The following SLC38A7 variants were observed in gnomAD, a reference collection of about 807,000 sequenced individuals.
SLC38A7 encodes the protein sodium-coupled neutral amino acid transporter 7.
Under a neutral mutation model 50.1 loss-of-function variants are expected in SLC38A7, and 29 were observed. That is an observed-to-expected ratio of 0.58 (90% CI 0.43 to 0.79). The LOEUF (loss-of-function observed/expected upper bound fraction) is 0.79, where lower values mean the gene tolerates loss of function less well. Ranked by LOEUF, SLC38A7 falls within the 30% of genes least tolerant of loss-of-function variation. SLC38A7 has a pLI of 0.00. For synonymous variants in SLC38A7, 244 were observed against 245.9 expected, an observed-to-expected ratio of 0.99 and a Z score of 0.07; for missense variants, 483 against 610.6, an observed-to-expected ratio of 0.79 and a Z score of 2.20.
intron 11 of SLC38A7, among the ~76,000 whole-genome samples, chr16:58,669,584 A>T (rs1330272028): frequency 6.6e-6 from 1 of 152,200 alleles, no homozygotes; most frequent in South Asian, 2.1e-4. Context: ...TTGTGGGGGA[A>T]GAGGGACTTC....
intron 11 of SLC38A7, among the ~76,000 whole-genome samples, chr16:58,668,191 A>G (rs2044079939): frequency 6.6e-6 from 1 of 152,044 alleles, no homozygotes; most frequent in Non-Finnish European, 1.5e-5. Context: ...TAATCCCAGC[A>G]CTTTGGGAGG....
At position 58,670,973 on chromosome 16, in the gene SLC38A7, G is replaced by A. The variant is rs948961592; in HGVS notation, c.1231+72C>T. 1.6e-5 allele frequency: 24 copies of A among 1,506,604 alleles called. No homozygotes were observed. The African/African-American group carries it at 2.5e-4, about 16-fold the overall frequency. 93.3% of individuals were successfully genotyped at this position (1,506,604 alleles called of 1,614,324 possible). The stretch of plus-strand genomic sequence containing the variant: ...CTCTCCTGCATGTTTTGAGCAAGTA[G>A]GGAGCTGAGGCTAGGCAGGCCCTGG... On this transcript the variant is annotated intron_variant, in intron 10 of 11. Coordinates refer to ENST00000219320, the MANE Select transcript of SLC38A7 (RefSeq NM_018231.3).
At chr16:58,679,135 T>C (rs1408760983) in intron 3 of SLC38A7, among the ~76,000 whole-genome samples, 3 of 152,238 alleles carry the variant, frequency 2.0e-5, no homozygotes, top group Non-Finnish European at 2.9e-5. Context: ...CTCATGCCTG[T>C]AATCCCAGCA....
chr16:58,672,359 G>C, intron 8 of SLC38A7, 116 bp from the exon 9 acceptor site: 1 of 1,146,976 alleles, frequency 8.7e-7, no homozygotes, highest in Non-Finnish European at 1.2e-6. Flanking sequence ...TGGACACTTA[G>C]ACGGAGGCTC....
Position 58,671,036 on chromosome 16 carries a change from G to A in SLC38A7, c.1231+9C>T. 1 of 1,578,504 alleles carries A rather than the reference G, an allele frequency of 6.3e-7. No individual in the cohort carries two copies. The highest frequency in any genetic ancestry group is 1.2e-5 in the South Asian group (1 of 86,644). ...TGGGGCTGTGAGATGGGGCGCCAGG[G>A]GTCCGCACCTGGGAAGACGAAGATG... On this transcript the variant is annotated intron_variant, in intron 10 of 11. Transcript: ENST00000219320.
chr16:58,673,951 G>A (rs1276642905), intron 8 of SLC38A7, among the ~76,000 whole-genome samples: 3 of 151,534 alleles, frequency 2.0e-5, no homozygotes, highest in Non-Finnish European at 2.9e-5. Flanking sequence ...TTAGCCTCCC[G>A]AGTAGCTGGG....
intron 6 of SLC38A7, among the ~76,000 whole-genome samples, chr16:58,676,803 C>G (rs1343546368): frequency 6.6e-6 from 1 of 152,092 alleles, no homozygotes; most frequent in Non-Finnish European, 1.5e-5. Context: ...AGGCGCCTGC[C>G]ACCACACCCG....
At chr16:58,676,237 A>G in intron 7 of SLC38A7, 52 bp downstream of exon 7, 1 of 1,612,678 alleles carries the variant, frequency 6.2e-7, no homozygotes, top group Non-Finnish European at 8.5e-7. Context: ...GTTCCATCCC[A>G]GGGTGGGGTG....
chr16:58,677,194 G>T, intron 6 of SLC38A7, 132 bp downstream of exon 6: 1 of 708,786 alleles, frequency 1.4e-6, no homozygotes, highest in Non-Finnish European at 2.5e-6. Context: ...TTCCTACAAT[G>T]ACCAAGTCAG....
chr16:58,670,051 C>T, intron 11 of SLC38A7, 62 bp downstream of exon 11: 1 of 1,517,308 alleles, frequency 6.6e-7, no homozygotes, highest in Non-Finnish European at 9.1e-7. Context: ...TTAAGGCCCC[C>T]ACAAAGCCAC....
chr16:58,673,228 C>A (rs11639682), intron 8 of SLC38A7, among the ~76,000 whole-genome samples: 19,964 of 138,202 alleles, frequency 0.14, 1,640 homozygotes, highest in East Asian at 0.4. Flanking sequence ...CCTGCCGCCA[C>A]ACCTGGCTAA....
At chr16:58,670,283 T>C (rs1366482798) in intron 10 of SLC38A7, 116 bp from the exon 11 acceptor site, 3 of 968,756 alleles carry the variant, frequency 3.1e-6, no homozygotes, top group African/African-American at 3.2e-5. Flanking sequence ...TTTACTCTTC[T>C]AGAAATTCCA....
intron 8 of SLC38A7, among the ~76,000 whole-genome samples, chr16:58,674,951 G>C (rs192782754): frequency 1.2e-4 from 19 of 152,200 alleles, no homozygotes; most frequent in Admixed American, 1.2e-3. Flanking sequence ...ATGACTCCCA[G>C]CAGCCCTCGA....
At chr16:58,677,252 G>T in intron 6 of SLC38A7, 74 bp downstream of exon 6, 1 of 1,299,090 alleles carries the variant, frequency 7.7e-7, no homozygotes, top group Non-Finnish European at 1.1e-6. Context: ...GTGGCCTTCT[G>T]GTTCCTGACC....
chr16:58,676,449 T>C lies in SLC38A7; in HGVS notation c.711-103A>G, dbSNP rs778694766. 7.1e-4 allele frequency: 852 copies of C among 1,203,188 alleles called. 6 individuals are homozygous for C. The highest frequency in any genetic ancestry group is 1.2e-4 in the Non-Finnish European group (100 of 818,528). The allele number at this position is 1,203,188 out of a possible 1,614,324, so 74.5% of individuals were successfully genotyped here. A position where few individuals can be genotyped will look rare whatever the true frequency, so the allele number is the denominator to read the frequency against. ...TCAGCCCACCATGGTCTCCAGCAACTGGGATTCCATAGCTTCAACCCACAG... is the reference window on the plus strand; with the variant it reads ...TCAGCCCACCATGGTCTCCAGCAACCGGGATTCCATAGCTTCAACCCACAG... On this transcript the variant is annotated intron_variant, in intron 6 of 11. Transcript: ENST00000219320.
At chr16:58,669,987 A>AC in intron 11 of SLC38A7, 126 bp downstream of exon 11, 1 of 850,814 alleles carries the variant, frequency 1.2e-6, no homozygotes, top group Non-Finnish European at 1.8e-6. Context: ...AAAAAAAAAA[A>AC]CAAAACAAAA....
At chr16:58,679,820 T>A (rs1178797672) in intron 3 of SLC38A7, 37 bp downstream of exon 3, 4 of 1,611,164 alleles carry the variant, frequency 2.5e-6, no homozygotes, top group Admixed American at 1.7e-5. Context: ...AGCGCCCAAC[T>A]GAACTGCACC....
At position 58,665,310 on chromosome 16, in the gene SLC38A7, C is replaced by T. The variant is rs1049542862; in HGVS notation, c.*2075G>A. On this transcript the variant is annotated 3_prime_UTR_variant, in exon 12 of 12. Transcript: ENST00000219320. ...ATGACTCCACTTACATCCCTTGACC[C>T]CCGAAACACGGCACTGGGGGACTGC... 7.9e-5 allele frequency: 12 copies of T among 152,460 alleles called. No homozygotes were observed. The highest frequency in any genetic ancestry group is 1.2e-4 in the Non-Finnish European group (8 of 68,264). 9.4% of individuals were successfully genotyped at this position (152,460 alleles called of 1,614,324 possible).
At chr16:58,672,960 T>C (rs1177369981) in intron 8 of SLC38A7, among the ~76,000 whole-genome samples, 1 of 151,902 alleles carries the variant, frequency 6.6e-6, no homozygotes, top group Non-Finnish European at 1.5e-5. Context: ...GGAGTTTCAC[T>C]CTTGTTGCCC....
Sources: allele counts gnomAD v4.1 joint callset (sites outside exome capture counted in the v4.1 genomes callset), GRCh38; gene constraint gnomAD v4.1.1; transcripts MANE v1.5; gene names NCBI Gene and HGNC (gene_info 2026-07-23, HGNC 2026-07-21).